The following NDST4 variants were observed in gnomAD, a reference collection of about 807,000 sequenced individuals.
The protein encoded by NDST4 is N-deacetylase and N-sulfotransferase 4.
Under a neutral mutation model 100.8 loss-of-function variants are expected in NDST4, and 63 were observed. The ratio of observed to expected loss-of-function variants is 0.62; its 90% CI spans 0.51 to 0.77. The LOEUF (loss-of-function observed/expected upper bound fraction) is 0.77, where lower values mean the gene tolerates loss of function less well. NDST4 is among the 30% of genes least tolerant of loss of function. The pLI, the probability that NDST4 is intolerant of heterozygous loss-of-function variation, is 0.00. For synonymous variants in NDST4, 377 were observed against 361.8 expected (o/e 1.04, Z -0.48); for missense variants, 943 against 1,018.4 (o/e 0.93, Z 1.01).
chr4:114,979,488 A>G (rs1323482462), intron 2 of NDST4, among the ~76,000 whole-genome samples: 1 of 151,430 alleles, frequency 6.6e-6, no homozygotes, highest in Non-Finnish European at 1.5e-5. Flanking sequence ...ATACACAGCA[A>G]TAATTGGATT....
intron 1 of NDST4, among the ~76,000 whole-genome samples, chr4:115,083,710 T>C (rs1273910644): frequency 1.3e-5 from 2 of 152,182 alleles, no homozygotes; most frequent in Non-Finnish European, 2.9e-5. Context: ...GTTCTTGTGA[T>C]AGTGAGTTCT....
At chr4:115,008,610 C>A (rs1727472606) in intron 2 of NDST4, among the ~76,000 whole-genome samples, 1 of 128,652 alleles carries the variant, frequency 7.8e-6, no homozygotes, top group Admixed American at 8.0e-5. Context: ...GGACGCATTC[C>A]CTTTGAATGG....
chr4:114,926,190 G>T (rs1227864141), intron 6 of NDST4, among the ~76,000 whole-genome samples: 1 of 152,072 alleles, frequency 6.6e-6, no homozygotes, highest in African/African-American at 2.4e-5. Flanking sequence ...TGTGATGAAG[G>T]CATGATAAGA....
rs1260461876 is a variant in NDST4 at position 114,895,646 on chromosome 4, TCATCCTGATACCAAA to T, written c.1537-24711_1537-24697del. ...CCTTAACTCATTTTAGAAGCCAGCA[TCATCCTGATACCAAA>T]ATCGAGAAGAGACACACAAAAAAGG... is the stretch of plus-strand genomic sequence containing the variant. On this transcript the variant is annotated intron_variant, in intron 6 of 13. Coordinates refer to ENST00000264363, the MANE Select transcript of NDST4 (RefSeq NM_022569.3). Among the ~76,000 whole-genome samples the T allele has an allele frequency of 1.5e-3, 235 of 152,216 alleles. 1 individual carries two copies. The highest frequency in any genetic ancestry group is 5.0e-3 in the African/African-American group (209 of 41,530).
intron 6 of NDST4, among the ~76,000 whole-genome samples, chr4:114,917,743 A>G (rs1188434332): frequency 6.6e-6 from 1 of 152,230 alleles, no homozygotes; most frequent in African/African-American, 2.4e-5. Flanking sequence ...AATGAAGTTC[A>G]CACGGTAGCT....
At chr4:114,972,053 T>C (rs1023840829) in intron 3 of NDST4, among the ~76,000 whole-genome samples, 60 of 152,052 alleles carry the variant, frequency 3.9e-4, no homozygotes, top group South Asian at 2.1e-4. Context: ...TATCTATTGC[T>C]TTGTATTTGC....
intron 6 of NDST4, among the ~76,000 whole-genome samples, chr4:114,876,894 A>G (rs1050755078): frequency 2.6e-5 from 4 of 152,230 alleles, no homozygotes; most frequent in African/African-American, 9.6e-5. Flanking sequence ...GTTACTAGGA[A>G]CTAAGAAACT....
chr4:115,080,382 C>G lies in NDST4; in HGVS notation c.-246-3100G>C, dbSNP rs1404553372. Reference sequence around the variant, plus strand: ...AAACTCCTGACCTCAGGTGATCCACCCACCTCGGCCTCCCAAAATGCTGGG... The same window carrying G: ...AAACTCCTGACCTCAGGTGATCCACGCACCTCGGCCTCCCAAAATGCTGGG... On this transcript the variant is annotated intron_variant, in intron 1 of 13. Transcript: ENST00000264363. Among the ~76,000 whole-genome samples the G allele has an allele frequency of 5.3e-5, 8 of 152,246 alleles. No homozygotes were observed. The East Asian group carries it at 1.4e-3, about 26-fold the overall frequency.
chr4:115,016,597 G>A (rs1487904102), intron 2 of NDST4, among the ~76,000 whole-genome samples: 1 of 152,116 alleles, frequency 6.6e-6, no homozygotes, highest in Non-Finnish European at 1.5e-5. Context: ...AACAGGGAAA[G>A]AAGGGAGTTA....
At position 114,852,680 on chromosome 4, in the gene NDST4, A is replaced by C. The variant is rs1723703035; in HGVS notation, c.1816+45T>G. ...ATCCATATACCAATGTATTTCATAA[A>C]ATATTTTTAAAAAGGATATAAGTAG... On this transcript the variant is annotated intron_variant, in intron 8 of 13. Coordinates refer to ENST00000264363, the MANE Select transcript of NDST4 (RefSeq NM_022569.3). The C allele has an allele frequency of 3.7e-6, 4 of 1,076,770 alleles. No homozygotes were observed. The East Asian group carries it at 1.0e-4, about 27-fold the overall frequency. 66.7% of individuals were successfully genotyped at this position (1,076,770 alleles called of 1,614,324 possible).
chr4:114,862,619 T>A (rs538578389), intron 7 of NDST4, among the ~76,000 whole-genome samples: 31 of 152,262 alleles, frequency 2.0e-4, no homozygotes, highest in South Asian at 4.1e-4. Context: ...CTTATCTTCT[T>A]TATTGCAGTG....
intron 2 of NDST4, among the ~76,000 whole-genome samples, chr4:114,978,797 C>A (rs1175576739): frequency 1.3e-5 from 2 of 151,990 alleles, no homozygotes; most frequent in African/African-American, 4.8e-5. Flanking sequence ...CCTCACCACT[C>A]CAATTTCATC....
chr4:114,914,733 G>C (rs1725133395), intron 6 of NDST4, among the ~76,000 whole-genome samples: 1 of 152,056 alleles, frequency 6.6e-6, no homozygotes, highest in African/African-American at 2.4e-5. Context: ...TTTTGTTTTT[G>C]CTTATGTTTA....
intron 2 of NDST4, among the ~76,000 whole-genome samples, chr4:115,002,762 T>C (rs990467880): frequency 1.3e-5 from 2 of 152,094 alleles, no homozygotes; most frequent in Non-Finnish European, 2.9e-5. Flanking sequence ...CTTTCTACTA[T>C]AAAGACACAT....
At chr4:115,030,709 GA>G (rs1178913641) in intron 2 of NDST4, among the ~76,000 whole-genome samples, 1 of 152,004 alleles carries the variant, frequency 6.6e-6, no homozygotes, top group East Asian at 1.9e-4. Flanking sequence ...AGAGAGATAG[GA>G]AAAACAAATT....
chr4:114,841,935 T>G (rs1244540854), intron 10 of NDST4, among the ~76,000 whole-genome samples: 1 of 152,174 alleles, frequency 6.6e-6, no homozygotes, highest in Non-Finnish European at 1.5e-5. Context: ...ACATTTTTTA[T>G]TAAATAAATT....
At chr4:114,908,009 G>T (rs1446721648) in intron 6 of NDST4, among the ~76,000 whole-genome samples, 4 of 152,098 alleles carry the variant, frequency 2.6e-5, no homozygotes, top group Non-Finnish European at 5.9e-5. Context: ...AACTTGAAAA[G>T]ATTTTTGGCT....
intron 2 of NDST4, among the ~76,000 whole-genome samples, chr4:115,012,641 A>G (rs1727577002): frequency 6.6e-6 from 1 of 152,082 alleles, no homozygotes; most frequent in South Asian, 2.1e-4. Flanking sequence ...AGGTTCCCCA[A>G]AAAATGAAAA....
chr4:115,028,922 C>A (rs1024808364), intron 2 of NDST4, among the ~76,000 whole-genome samples: 4 of 151,926 alleles, frequency 2.6e-5, no homozygotes, highest in Admixed American at 6.6e-5. Flanking sequence ...AGTAGAAAAA[C>A]CACAAAGGAT....
Sources: gnomAD v4.1 joint callset for allele counts (sites outside exome capture counted in the v4.1 genomes callset) on GRCh38, gnomAD v4.1.1 for gene constraint, MANE v1.5 for transcripts, NCBI Gene and HGNC (gene_info 2026-07-23, HGNC 2026-07-21) for gene names.